LTK: variants seen among roughly 807,000 people sequenced by gnomAD.
LTK encodes the protein leukocyte receptor tyrosine kinase.
In LTK, 117 loss-of-function variants were observed where a neutral mutation model predicts 101.5. The ratio of observed to expected loss-of-function variants is 1.15; its 90% CI spans 0.99 to 1.34. The LOEUF (loss-of-function observed/expected upper bound fraction) is 1.34. Ranked by LOEUF, LTK falls within the 40% of genes most tolerant of loss-of-function variation. The pLI is 0.00. For synonymous variants in LTK, 563 were observed against 494.2 expected (o/e 1.14, Z -1.85); for missense variants, 1,252 against 1,164.7 (o/e 1.07, Z -1.09).
intron 12 of LTK, 62 bp from the exon 13 acceptor site, chr15:41,505,839 C>G: frequency 6.2e-7 from 1 of 1,603,496 alleles, no homozygotes; most frequent in African/African-American, 1.3e-5. Context: ...GGGGGTTAAC[C>G]CTAGCTCTAG....
At position 41,504,584 on chromosome 15, in the gene LTK, C is replaced by T; in HGVS notation, c.2177G>A (p.Gly726Glu). 6.2e-7 allele frequency: 1 copy of T among 1,613,836 alleles called. No individual in the cohort carries two copies. Among genetic ancestry groups the T allele is most frequent in the South Asian group, 1.1e-5 (1 of 91,088 alleles). The change falls in exon 18 of 20, where the codon GGG (glycine) becomes GAG (glutamate). Residue 726 changes from glycine (G) to glutamate (E), a missense_variant. By Grantham distance (98) the Gly-to-Glu change is moderately conservative. Transcript: ENST00000263800. ...IFSLGYMPYP[G>E]RTNQEVLDFV... ...GTCCAGCACCTCCTGGTTGGTGCGC[C>T]CAGGATAGGGCATGTAGCCCAGTGA...
At chr15:41,505,563 G>A (rs965452644) in intron 13 of LTK, 33 bp from the exon 14 acceptor site, 1 of 1,612,726 alleles carries the variant, frequency 6.2e-7, no homozygotes, top group African/African-American at 1.3e-5. Context: ...CCCGTTACCA[G>A]GAGGGAGACG....
chr15:41,508,368 A>T (rs1471037050), intron 8 of LTK, 147 bp from the exon 9 acceptor site: 1 of 584,350 alleles, frequency 1.7e-6, no homozygotes, highest in African/African-American at 1.9e-5. Flanking sequence ...CAGAAGTTCA[A>T]GACCAGCCTG....
intron 16 of LTK, 44 bp downstream of exon 16, chr15:41,504,928 A>G (rs2051208297): frequency 6.3e-7 from 1 of 1,597,930 alleles, no homozygotes; most frequent in Admixed American, 1.7e-5. Flanking sequence ...GTGCGGGGAA[A>G]ACCCCCTTGG....
rs937181083 is a variant in LTK, at chr15:41,511,678, G to A, written c.658-100C>T. 3.5e-6 allele frequency: 5 copies of A among 1,410,014 alleles called. No individual in the cohort carries two copies. The Admixed American group carries it at 1.1e-4, about 31-fold the overall frequency. 87.3% of individuals were successfully genotyped at this position (1,410,014 alleles called of 1,614,324 possible). Reference sequence around the variant, plus strand: ...GCCCAGGGGGCCTGGATAAGGGCAGGGGCCCCCAGCCCAGCCCAGGCCAGC... The same window carrying A: ...GCCCAGGGGGCCTGGATAAGGGCAGAGGCCCCCAGCCCAGCCCAGGCCAGC... On this transcript the variant is annotated intron_variant, in intron 5 of 19. Coordinates refer to ENST00000263800, the MANE Select transcript of LTK (RefSeq NM_002344.6). This position sits in a 1 kb window ranked among gnomAD's most constrained non-coding sequence, Gnocchi z 5.9.
At chr15:41,505,613 C>T in intron 13 of LTK, 83 bp from the exon 14 acceptor site, 1 of 1,605,470 alleles carries the variant, frequency 6.2e-7, no homozygotes, top group Non-Finnish European at 8.5e-7. Flanking sequence ...GAGAGGCCCT[C>T]TGTGTCCCCT....
rs765894191 is a variant in LTK, at chr15:41,505,509, A to G, written c.1719T>C (p.Ile573=). ...TGAGGCTGAGCCCCACACACCGCAC[A>G]ATGTTCTGATGGCGAAACTTGCTGA... The part of the protein sequence containing the change: ...LIISKFRHQN[I]VRCVGLSLRA... Residue 573 remains isoleucine, a synonymous_variant, in exon 14 of 20, where the codon ATT becomes ATC. Coordinates refer to ENST00000263800, the MANE Select transcript of LTK (RefSeq NM_002344.6). 6.2e-7 allele frequency: 1 copy of G among 1,614,036 alleles called. No homozygotes were observed. The highest frequency in any genetic ancestry group is 8.5e-7 in the Non-Finnish European group (1 of 1,180,000).
chr15:41,507,394 T>G, intron 10 of LTK, 104 bp from the exon 11 acceptor site: 1 of 1,476,442 alleles, frequency 6.8e-7, no homozygotes, highest in East Asian at 2.5e-5. Context: ...GTAAACGTTT[T>G]CCCCAGGCCT....
Position 41,511,921 on chromosome 15 carries a change from C to G in LTK, c.553G>C (p.Ala185Pro). The change falls in exon 5 of 20, where the codon GCC becomes CCC. Residue 185 changes from alanine to proline, a missense_variant. By Grantham distance (27) the Ala-to-Pro change is conservative (BLOSUM62 -1). Transcript: ENST00000263800. This position sits in a 1 kb window ranked among gnomAD's most constrained non-coding sequence, Gnocchi z 5.9. ...TCCATCGCCGCGTGCTCTTCAACGGCTCGAGACTCCCCGAGGCAGACGAGC... is the reference window on the plus strand; with the variant it reads ...TCCATCGCCGCGTGCTCTTCAACGGGTCGAGACTCCCCGAGGCAGACGAGC... ...SQLVCLGESR[A>P]VEEHAAMDGS... is the part of the protein sequence containing the mutation. 1 of 1,504,460 alleles carries G rather than the reference C, an allele frequency of 6.6e-7. No homozygotes were observed. Among genetic ancestry groups the G allele is most frequent in the Non-Finnish European group, 8.8e-7 (1 of 1,142,074 alleles). 93.2% of individuals were successfully genotyped at this position (1,504,460 alleles called of 1,614,324 possible). A position where few individuals can be genotyped will look rare whatever the true frequency, so the allele number is the denominator to read the frequency against.
chr15:41,506,470 A>AT (rs2051287695), intron 11 of LTK, among the ~76,000 whole-genome samples: 4 of 151,620 alleles, frequency 2.6e-5, no homozygotes, highest in Admixed American at 2.0e-4. Flanking sequence ...ACGCCCAGCT[A>AT]TTTTTTGTGT....
Position 41,507,134 on chromosome 15 carries a change from C to T in LTK, c.1502G>A (p.Gly501Asp). 6.2e-7 allele frequency: 1 copy of T among 1,613,596 alleles called. No individual in the cohort carries two copies. The highest frequency in any genetic ancestry group is 8.5e-7 in the Non-Finnish European group (1 of 1,179,906). The change falls in exon 11 of 20, where the codon GGT becomes GAT. Residue 501 changes from glycine to aspartate, a missense_variant. Transcript: ENST00000263800. ...GPAQSWPLPP[G>D]VTEVSPANVT... ...ATTGGCTGGGGAAACCTCGGTGACACCTGGTGGCAGAGGCCAGGACTGGGC... is the reference window on the plus strand; with the variant it reads ...ATTGGCTGGGGAAACCTCGGTGACATCTGGTGGCAGAGGCCAGGACTGGGC...
At chr15:41,507,463 A>T (rs1314970889) in intron 10 of LTK, 99 bp downstream of exon 10, 10 of 1,556,628 alleles carry the variant, frequency 6.4e-6, no homozygotes, top group Non-Finnish European at 8.7e-6. Flanking sequence ...TGCTGCGGTG[A>T]GTGGTCTTGA....
intron 18 of LTK, 30 bp downstream of exon 18, chr15:41,504,476 A>T (rs1157842251): frequency 6.2e-7 from 1 of 1,613,222 alleles, no homozygotes; most frequent in Admixed American, 1.7e-5. Context: ...GTTGTGAAGG[A>T]CCTCCCTTCC....
intron 11 of LTK, among the ~76,000 whole-genome samples, chr15:41,506,473 T>C (rs575229139): frequency 6.6e-6 from 1 of 151,988 alleles, no homozygotes; most frequent in Non-Finnish European, 1.5e-5. Context: ...CCCAGCTATT[T>C]TTTGTGTTTT....
In LTK at chr15:41,511,530, C is replaced by T. The variant is rs1011193962; in HGVS notation, c.706G>A (p.Gly236Ser). The T allele has an allele frequency of 1.4e-6, 2 of 1,461,050 alleles. No individual in the cohort carries two copies. The highest frequency in any genetic ancestry group is 2.8e-5 in the East Asian group (1 of 36,140). The allele number at this position is 1,461,050 out of a possible 1,614,324, so 90.5% of individuals were successfully genotyped here. The change falls in exon 6 of 20, where the codon GGT becomes AGT. Residue 236 changes from glycine to serine, a missense_variant. Transcript: ENST00000263800. This position sits in a 1 kb window ranked among gnomAD's most constrained non-coding sequence, Gnocchi z 5.9. The part of the protein sequence containing the change: ...EPLLVAAGGG[G>S]RAYLRPRDRG... ...TCCCGCGGCCTCAGGTAGGCCCGAC[C>T]GCCGCCTCCGGCCGCCACCAGCAAC...
rs2051320635 is a variant in LTK, at chr15:41,507,307, T to G, written c.1346-17A>C. The stretch of plus-strand genomic sequence containing the variant: ...TCTGCTTCACTGGGGGTGGGAAGAA[T>G]AACGGCACACCCTCCACCTGCCCAT... On this transcript the variant is annotated splice_polypyrimidine_tract_variant and intron_variant, in intron 10 of 19. Coordinates refer to ENST00000263800, the MANE Select transcript of LTK (RefSeq NM_002344.6). The G allele has an allele frequency of 6.3e-7, 1 of 1,581,412 alleles. No homozygotes were observed. The highest frequency in any genetic ancestry group is 1.8e-5 in the Admixed American group (1 of 55,082).
chr15:41,511,201 C>CCCG lies in LTK; in HGVS notation c.957_959dup (p.Gly320dup), dbSNP rs771075708. 4 of 1,391,958 alleles carry CCCG rather than the reference C, an allele frequency of 2.9e-6. No homozygotes were observed. Among genetic ancestry groups the CCCG allele is most frequent in the South Asian group, 1.6e-5 (1 of 62,444 alleles). 86.2% of individuals were successfully genotyped at this position (1,391,958 alleles called of 1,614,324 possible). A position where few individuals can be genotyped will look rare whatever the true frequency, so the allele number is the denominator to read the frequency against. On this transcript the variant is annotated inframe_insertion, in exon 7 of 20. Coordinates refer to ENST00000263800, the MANE Select transcript of LTK (RefSeq NM_002344.6). This position sits in a 1 kb window ranked among gnomAD's most constrained non-coding sequence, Gnocchi z 5.9. ...CGCCGCCTCCGCCCGCAGTGCAGGC[C>CCCG]CCGCCGCCGCCCCCGAAGCCGCCGG...
At chr15:41,509,675 A>G (rs1299603350) in intron 7 of LTK, among the ~76,000 whole-genome samples, 1 of 152,114 alleles carries the variant, frequency 6.6e-6, no homozygotes, top group African/African-American at 2.4e-5. Context: ...CCTGACCAAC[A>G]TGGTGAAACC....
In LTK at chr15:41,503,830, A is replaced by G; in HGVS notation, c.*166T>C. On this transcript the variant is annotated 3_prime_UTR_variant, in exon 20 of 20. Transcript: ENST00000263800. ...CCCTGGGAGGCCTGGGCTGGTTTCC[A>G]GCATGGCAAGTGCAGCGCTGCCAGG... The G allele has an allele frequency of 2.4e-6, 2 of 844,748 alleles. No homozygotes were observed. Among genetic ancestry groups the G allele is most frequent in the Non-Finnish European group, 3.6e-6 (2 of 558,430 alleles). 52.3% of individuals were successfully genotyped at this position (844,748 alleles called of 1,614,324 possible).
Sources: allele counts gnomAD v4.1 joint callset (sites outside exome capture counted in the v4.1 genomes callset), GRCh38; gene constraint gnomAD v4.1.1; non-coding constraint Gnocchi (gnomAD v3.1); transcripts MANE v1.5; gene names NCBI Gene and HGNC (gene_info 2026-07-23, HGNC 2026-07-21).